SCN10A: variants seen among roughly 807,000 people sequenced by gnomAD.
SCN10A encodes sodium channel protein type 10 subunit alpha.
Under a neutral mutation model 170.7 loss-of-function variants are expected in SCN10A, and 162 were observed. That is an observed-to-expected ratio of 0.95 (90% CI 0.84 to 1.08). The LOEUF is 1.08. Ranked by LOEUF, SCN10A falls within the 50% of genes least tolerant of loss-of-function variation. The pLI, the probability that SCN10A is intolerant of heterozygous loss-of-function variation, is 0.00. For missense variants in SCN10A, 2,527 were observed against 2,436.9 expected (o/e 1.04, Z -0.78); for synonymous variants, 985 against 904.6 (o/e 1.09, Z -1.59).
At chr3:38,790,038 C>T (rs943149845) in intron 3 of SCN10A, among the ~76,000 whole-genome samples, 2 of 152,020 alleles carry the variant, frequency 1.3e-5, no homozygotes, top group Admixed American at 1.3e-4. Context: ...TTTACAGTTA[C>T]TTAGGAACAC....
Position 38,763,532 on chromosome 3 carries a change from C to T in SCN10A, c.664G>A (p.Ala222Thr), listed in dbSNP as rs760354089. 1 of 1,614,038 alleles carries T rather than the reference C, an allele frequency of 6.2e-7. No individual in the cohort carries two copies. The highest frequency in any genetic ancestry group is 1.3e-5 in the African/African-American group (1 of 75,022). The change falls in exon 6 of 28, where the codon GCA becomes ACA. Residue 222 changes from alanine (A) to threonine (T), a missense_variant. Ala to Thr is a moderately conservative substitution (Grantham distance 58). Transcript: ENST00000449082. ...GGGATCACAGAAACTGTTTTTAATG[C>T]TCTAAGAACTCTGAATGTCCGCAGG... Reference protein sequence around the residue: ...SGLRTFRVLRALKTVSVIPGL... With the variant: ...SGLRTFRVLRTLKTVSVIPGL...
chr3:38,710,213 G>C (rs1343685245), intron 24 of SCN10A, among the ~76,000 whole-genome samples: 8 of 152,082 alleles, frequency 5.3e-5, no homozygotes, highest in Admixed American at 5.2e-4. Flanking sequence ...AAGCTGGAGT[G>C]CAGTGACGCA....
At chr3:38,706,999 C>T (rs1271257581) in intron 26 of SCN10A, among the ~76,000 whole-genome samples, 10 of 152,232 alleles carry the variant, frequency 6.6e-5, no homozygotes, top group Admixed American at 3.3e-4. Flanking sequence ...TGCCTCCAAT[C>T]CTGTACTTGA....
chr3:38,710,626 G>A (rs2063263002), intron 24 of SCN10A, among the ~76,000 whole-genome samples: 1 of 152,142 alleles, frequency 6.6e-6, no homozygotes, highest in South Asian at 2.1e-4. Flanking sequence ...GGAAAACCTC[G>A]AGAAGCCTGG....
chr3:38,798,641 C>T (rs959144232), intron 1 of SCN10A, among the ~76,000 whole-genome samples: 1 of 152,098 alleles, frequency 6.6e-6, no homozygotes, highest in Non-Finnish European at 1.5e-5. Flanking sequence ...CAAGCTCGGC[C>T]CTGGCTTTCA....
At position 38,763,559 on chromosome 3, in the gene SCN10A, C is replaced by T. The variant is rs2063899338; in HGVS notation, c.637G>A (p.Gly213Ser). The T allele has an allele frequency of 1.6e-5, 26 of 1,614,098 alleles. No individual in the cohort carries two copies. The highest frequency in any genetic ancestry group is 2.2e-5 in the Non-Finnish European group (26 of 1,179,976). ...CTAAGAACTCTGAATGTCCGCAGGC[C>T]TGAGATCCCACGGAGATCTATTGCT... ...GTAIDLRGIS[G>S]LRTFRVLRAL... Residue 213 changes from glycine to serine, a missense_variant, in exon 6 of 28, where the codon GGC (glycine) becomes AGC (serine). Physicochemically the swap from Gly to Ser is moderately conservative, Grantham distance 56. Transcript: ENST00000449082.
intron 4 of SCN10A, among the ~76,000 whole-genome samples, chr3:38,779,150 C>CA (rs1326777533): frequency 6.6e-6 from 1 of 151,934 alleles, no homozygotes; most frequent in Non-Finnish European, 1.5e-5. Flanking sequence ...GGATACTCAC[C>CA]AAAAAATTAA....
rs747108606 is a variant in SCN10A at position 38,707,320 on chromosome 3, A to G, written c.4345T>C (p.Leu1449=). The change falls in exon 26 of 28, where the codon TTG becomes CTG. Residue 1449 remains leucine, a synonymous_variant. Transcript: ENST00000449082. ...QKKYYNAMKK[L]GSKKPQKPIP... ...GGCTTCTGGGGCTTCTTGGAGCCCA[A>G]CTTCTTCATGGCATTGTAGTATTTC... 9 of 1,614,020 alleles carry G rather than the reference A, an allele frequency of 5.6e-6. No homozygotes were observed. Among genetic ancestry groups the G allele is most frequent in the South Asian group, 3.3e-5 (3 of 91,080 alleles).
At chr3:38,760,489 G>T (rs192504766) in intron 8 of SCN10A, among the ~76,000 whole-genome samples, 192 bp downstream of exon 8, 1 of 152,338 alleles carries the variant, frequency 6.6e-6, no homozygotes, top group African/African-American at 2.4e-5. Context: ...AAATTTTGGG[G>T]TCATTTGTTA....
Position 38,728,658 on chromosome 3 carries a change from C to A in SCN10A, c.2524G>T (p.Val842Phe). The change falls in exon 16 of 28, where the codon GTC becomes TTC. Residue 842 changes from valine (V) to phenylalanine (F), a missense_variant. Val to Phe is a conservative substitution (Grantham distance 50, BLOSUM62 -1). Coordinates refer to ENST00000449082, the MANE Select transcript of SCN10A (RefSeq NM_006514.4). ...MHDFFHSFLIVFRILCGEWIE... is the reference protein window; with the variant it reads ...MHDFFHSFLIFFRILCGEWIE... ...CACTCTCCACAGAGGATACGGAAGA[C>A]AATGAGGAAAGAGTGGAAGAAGTCG... The A allele has an allele frequency of 6.2e-7, 1 of 1,614,186 alleles. No homozygotes were observed. Among genetic ancestry groups the A allele is most frequent in the Non-Finnish European group, 8.5e-7 (1 of 1,180,040 alleles).
rs768093278 is a variant in SCN10A, at chr3:38,697,867, G to A, written c.5353C>T (p.Leu1785=). ...ACCAAAGGCAGGTCCATCTGGATCAGTATATTTCGATTGGGTTTTGGGATT... is the reference window on the plus strand; with the variant it reads ...ACCAAAGGCAGGTCCATCTGGATCAATATATTTCGATTGGGTTTTGGGATT... The part of the protein sequence containing the change: ...LRIPKPNRNI[L]IQMDLPLVPG... The change falls in exon 28 of 28, where the codon CTG becomes TTG. Residue 1785 remains leucine, a synonymous_variant. Coordinates refer to ENST00000449082, the MANE Select transcript of SCN10A (RefSeq NM_006514.4). The A allele has an allele frequency of 1.9e-6, 3 of 1,614,148 alleles. No individual in the cohort carries two copies. The highest frequency in any genetic ancestry group is 2.5e-6 in the Non-Finnish European group (3 of 1,180,022).
At chr3:38,701,404 A>G (rs1266659874) in intron 27 of SCN10A, among the ~76,000 whole-genome samples, 2 of 152,140 alleles carry the variant, frequency 1.3e-5, no homozygotes, top group African/African-American at 4.8e-5. Flanking sequence ...GTCTTTCCTC[A>G]CTTTGATGGC....
In SCN10A at chr3:38,712,233, G is replaced by T; in HGVS notation, c.4017C>A (p.Gly1339=). ...CTTTCACATTGACCCAGAAGAAGCT[G>T]CCAGTGGAGTTTTGAATCTTGCAGT... The part of the protein sequence containing the change: ...KSDCKIQNST[G]SFFWVNVKVN... The change falls in exon 23 of 28, where the codon GGC becomes GGA. Residue 1339 remains glycine (G), a synonymous_variant. Transcript: ENST00000449082. 6.2e-7 allele frequency: 1 copy of T among 1,614,182 alleles called. No individual in the cohort carries two copies. Among genetic ancestry groups the T allele is most frequent in the Non-Finnish European group, 8.5e-7 (1 of 1,180,004 alleles).
intron 8 of SCN10A, among the ~76,000 whole-genome samples, chr3:38,758,030 TTC>T (rs1424192056): frequency 2.6e-5 from 4 of 152,212 alleles, no homozygotes; most frequent in Non-Finnish European, 5.9e-5. Flanking sequence ...TTAAATTTTT[TTC>T]TTTTTCTCCT....
chr3:38,711,094 G>A (rs1456154414), intron 23 of SCN10A, among the ~76,000 whole-genome samples, 197 bp from the exon 24 acceptor site: 1 of 152,228 alleles, frequency 6.6e-6, no homozygotes, highest in African/African-American at 2.4e-5. Context: ...ACATGTGGCT[G>A]TTTAAGAATA....
At chr3:38,718,570 C>T (rs562516908) in intron 21 of SCN10A, 83 bp downstream of exon 21, 52 of 1,459,290 alleles carry the variant, frequency 3.6e-5, no homozygotes, top group Middle Eastern at 4.5e-4. Flanking sequence ...AGGGCCAGGT[C>T]TCTGAGCTTC....
intron 4 of SCN10A, among the ~76,000 whole-genome samples, chr3:38,776,608 T>G (rs1460570911): frequency 2.6e-5 from 4 of 152,104 alleles, no homozygotes; most frequent in African/African-American, 9.7e-5. Flanking sequence ...AATATAATAA[T>G]TAATCTTACA....
Position 38,756,836 on chromosome 3 carries a change from A to G in SCN10A, c.1128T>C (p.Phe376=), listed in dbSNP as rs1302237126. The part of the protein sequence containing the change: ...LRTSGKIYMI[F]FVLVIFLGSF... Reference sequence around the variant, plus strand: ...ATCCCAGGAAGATTACGAGCACAAAAAAGATCATATAGATTTTCCCAGAAG... The same window carrying G: ...ATCCCAGGAAGATTACGAGCACAAAGAAGATCATATAGATTTTCCCAGAAG... The change falls in exon 10 of 28, where the codon TTT becomes TTC. Residue 376 remains phenylalanine (F), a synonymous_variant. Transcript: ENST00000449082. The G allele has an allele frequency of 6.2e-7, 1 of 1,614,200 alleles. No individual in the cohort carries two copies. The highest frequency in any genetic ancestry group is 8.5e-7 in the Non-Finnish European group (1 of 1,180,032).
chr3:38,793,200 C>T (rs1223726700), intron 2 of SCN10A, among the ~76,000 whole-genome samples: 1 of 152,058 alleles, frequency 6.6e-6, no homozygotes, highest in Non-Finnish European at 1.5e-5. Context: ...CCATCAATAG[C>T]CTCTATATTC....
Sources: allele counts gnomAD v4.1 joint callset (sites outside exome capture counted in the v4.1 genomes callset), GRCh38; gene constraint gnomAD v4.1.1; transcripts MANE v1.5; gene names NCBI Gene and HGNC (gene_info 2026-07-23, HGNC 2026-07-21).